Variants in GALNTL6 observed in about 807,000 individuals in gnomAD.
GALNTL6 encodes the protein polypeptide N-acetylgalactosaminyltransferase like 6.
In GALNTL6, 46 loss-of-function variants were observed where a neutral mutation model predicts 73.7. The ratio of observed to expected loss-of-function variants is 0.62; its 90% CI spans 0.49 to 0.80. The LOEUF (loss-of-function observed/expected upper bound fraction) is 0.80, where lower values mean the gene tolerates loss of function less well. GALNTL6 is among the 30% of genes least tolerant of loss of function. The pLI is 0.00. For missense variants in GALNTL6, 604 were observed against 755.0 expected, an observed-to-expected ratio of 0.80 and a Z score of 2.34; for synonymous variants, 259 against 263.7, an observed-to-expected ratio of 0.98 and a Z score of 0.17.
intron 2 of GALNTL6, among the ~76,000 whole-genome samples, chr4:172,203,740 T>A (rs770387861): frequency 5.9e-5 from 9 of 152,046 alleles, no homozygotes; most frequent in Non-Finnish European, 4.4e-5. Context: ...CTTGACAGAT[T>A]TTTTTTTATA....
At chr4:172,732,907 C>A (rs1736236099) in intron 5 of GALNTL6, among the ~76,000 whole-genome samples, 1 of 152,166 alleles carries the variant, frequency 6.6e-6, no homozygotes. Flanking sequence ...ATTTTAATTA[C>A]CTATCTCTTA....
intron 2 of GALNTL6, among the ~76,000 whole-genome samples, chr4:172,149,785 C>T (rs993073004): frequency 6.6e-5 from 10 of 152,174 alleles, no homozygotes; most frequent in Admixed American, 3.9e-4. Context: ...ACTTGTTGCT[C>T]ACTTCATTAT....
chr4:171,980,303 G>A (rs1210768199), intron 2 of GALNTL6, among the ~76,000 whole-genome samples: 2 of 152,080 alleles, frequency 1.3e-5, no homozygotes, highest in Admixed American at 1.3e-4. Flanking sequence ...CTCTGGTTAA[G>A]ATAACATTAA....
intron 3 of GALNTL6, among the ~76,000 whole-genome samples, chr4:172,288,094 ATT>A (rs11354201): frequency 9.0e-5 from 13 of 144,660 alleles, no homozygotes; most frequent in Non-Finnish European, 1.1e-4. Flanking sequence ...GATAGAATTG[ATT>A]TTTTTTTTTT....
chr4:172,377,402 C>T (rs138446852), intron 5 of GALNTL6, among the ~76,000 whole-genome samples: 2,901 of 152,272 alleles, frequency 0.019, 84 homozygotes, highest in African/African-American at 0.064. Flanking sequence ...CTGATTGGTG[C>T]GTTCACAATC....
At chr4:172,045,763 TAA>T (rs111559625) in intron 2 of GALNTL6, among the ~76,000 whole-genome samples, 4 of 139,522 alleles carry the variant, frequency 2.9e-5, no homozygotes, top group African/African-American at 7.8e-5. Context: ...ACAATAGAAC[TAA>T]AAAAAAAAAA....
Position 171,918,726 on chromosome 4 carries a change from C to T in GALNTL6, c.138+104008C>T, listed in dbSNP as rs527272736. On this transcript the variant is annotated intron_variant, in intron 2 of 12. Coordinates refer to ENST00000506823, the MANE Select transcript of GALNTL6 (RefSeq NM_001034845.3). ...TCATGGCAGCAGTATTCGCAACAGC[C>T]GAGATGTGGAAACAACCTAAATATC... Among the ~76,000 whole-genome samples the T allele has an allele frequency of 9.9e-5, 15 of 151,972 alleles. No individual in the cohort carries two copies. The East Asian group carries it at 1.9e-3, about 20-fold the overall frequency.
At chr4:172,497,991 C>CTTTTTTTT (rs10669113) in intron 5 of GALNTL6, among the ~76,000 whole-genome samples, 1 of 104,544 alleles carries the variant, frequency 9.6e-6, no homozygotes. Context: ...TGTCACATTT[C>CTTTTTTTT]TTTTTTTTTT....
At chr4:172,692,608 G>T (rs555090278) in intron 5 of GALNTL6, among the ~76,000 whole-genome samples, 1 of 152,050 alleles carries the variant, frequency 6.6e-6, no homozygotes, top group South Asian at 2.1e-4. Flanking sequence ...AAACACTTTA[G>T]CAGCAAGCAT....
At chr4:172,862,389 A>G (rs1042889179) in intron 7 of GALNTL6, among the ~76,000 whole-genome samples, 4 of 152,218 alleles carry the variant, frequency 2.6e-5, no homozygotes, top group Non-Finnish European at 5.9e-5. Context: ...AAAGTGTTCA[A>G]AAGGAAGCAG....
intron 12 of GALNTL6, among the ~76,000 whole-genome samples, chr4:173,023,742 G>C (rs1213352292): frequency 6.7e-6 from 1 of 149,640 alleles, no homozygotes; most frequent in Non-Finnish European, 1.5e-5. Context: ...GATGGTATCT[G>C]ATTAAAAATG....
At chr4:172,410,527 A>G (rs886232546) in intron 5 of GALNTL6, among the ~76,000 whole-genome samples, 1 of 152,090 alleles carries the variant, frequency 6.6e-6, no homozygotes, top group African/African-American at 2.4e-5. Context: ...AGTTTTATAT[A>G]GGAAATGTGA....
At chr4:172,639,747 T>C (rs1425338211) in intron 5 of GALNTL6, among the ~76,000 whole-genome samples, 5 of 152,008 alleles carry the variant, frequency 3.3e-5, no homozygotes, top group Admixed American at 3.3e-4. Flanking sequence ...TTGAACCAGC[T>C]CCCACCATAA....
chr4:172,885,710 T>G (rs1439697124), intron 8 of GALNTL6, among the ~76,000 whole-genome samples: 1 of 152,210 alleles, frequency 6.6e-6, no homozygotes, highest in African/African-American at 2.4e-5. Flanking sequence ...ATATGGCTGT[T>G]ATCATATTGA....
intron 5 of GALNTL6, among the ~76,000 whole-genome samples, chr4:172,723,805 G>A (rs895442020): frequency 2.6e-5 from 4 of 152,094 alleles, no homozygotes; most frequent in Admixed American, 2.6e-4. Context: ...AAAGAGTGAA[G>A]TGGTGGTTTA....
intron 5 of GALNTL6, among the ~76,000 whole-genome samples, chr4:172,598,378 T>G (rs1737940168): frequency 6.6e-6 from 1 of 152,158 alleles, no homozygotes; most frequent in Non-Finnish European, 1.5e-5. Context: ...AGTGGCTCAT[T>G]CATAACAGCA....
chr4:171,834,456 T>G (rs957955108), intron 2 of GALNTL6, among the ~76,000 whole-genome samples: 17 of 152,010 alleles, frequency 1.1e-4, no homozygotes, highest in Non-Finnish European at 1.8e-4. Flanking sequence ...CACTGGAACT[T>G]GAGATTGATT....
chr4:171,856,441 A>T (rs1735695095), intron 2 of GALNTL6, among the ~76,000 whole-genome samples: 1 of 152,144 alleles, frequency 6.6e-6, no homozygotes, highest in Non-Finnish European at 1.5e-5. Context: ...AATAATGTCC[A>T]TTTAATCAAT....
chr4:171,977,570 A>G (rs1454873346), intron 2 of GALNTL6, among the ~76,000 whole-genome samples: 2 of 152,096 alleles, frequency 1.3e-5, no homozygotes. Context: ...TAAGGACACC[A>G]GTCATATTGA....
Sources: gnomAD v4.1 joint callset for allele counts (sites outside exome capture counted in the v4.1 genomes callset) on GRCh38, gnomAD v4.1.1 for gene constraint, MANE v1.5 for transcripts, NCBI Gene and HGNC (gene_info 2026-07-23, HGNC 2026-07-21) for gene names.